EIF2B3: variants seen among roughly 807,000 people sequenced by gnomAD.
The protein encoded by EIF2B3 is translation initiation factor eIF2B subunit gamma.
In EIF2B3, 20 loss-of-function variants were observed where a neutral mutation model predicts 54.1. The observed-to-expected ratio is 0.37, with a 90% CI of 0.26 to 0.54. The LOEUF (loss-of-function observed/expected upper bound fraction) is 0.54, where lower values mean the gene tolerates loss of function less well. Ranked by LOEUF, EIF2B3 falls within the 20% of genes least tolerant of loss-of-function variation. The pLI, the probability that EIF2B3 is intolerant of heterozygous loss-of-function variation, is 0.86. For missense variants in EIF2B3, 448 were observed against 547.8 expected, an observed-to-expected ratio of 0.82 and a Z score of 1.82; for synonymous variants, 153 against 188.1, an observed-to-expected ratio of 0.81 and a Z score of 1.52.
At chr1:44,886,615 G>C (rs1432237258) in intron 6 of EIF2B3, among the ~76,000 whole-genome samples, 1 of 152,186 alleles carries the variant, frequency 6.6e-6, no homozygotes, top group East Asian at 1.9e-4. Flanking sequence ...CCTAACTTAG[G>C]AGTATGTGCC....
intron 4 of EIF2B3, among the ~76,000 whole-genome samples, chr1:44,938,846 C>G (rs1291264491): frequency 6.6e-6 from 1 of 151,462 alleles, no homozygotes; most frequent in African/African-American, 2.4e-5. Context: ...GCCTCTAATC[C>G]CAGCACTTTG....
chr1:44,872,037 T>C (rs553262566), intron 10 of EIF2B3, among the ~76,000 whole-genome samples: 1 of 151,966 alleles, frequency 6.6e-6, no homozygotes, highest in Non-Finnish European at 1.5e-5. Context: ...AATTCTTGTA[T>C]ATGTATGTAT....
intron 11 of EIF2B3, among the ~76,000 whole-genome samples, chr1:44,853,238 A>G (rs1377178735): frequency 1.3e-5 from 2 of 152,090 alleles, no homozygotes; most frequent in Admixed American, 6.6e-5. Flanking sequence ...GCCAGGGAAC[A>G]GAGACTATAT....
At chr1:44,951,274 A>T (rs1205336294) in intron 3 of EIF2B3, among the ~76,000 whole-genome samples, 1 of 152,208 alleles carries the variant, frequency 6.6e-6, no homozygotes, top group Non-Finnish European at 1.5e-5. Flanking sequence ...TTATAGAGAT[A>T]CAGCAATGAA....
At chr1:44,919,430 C>T (rs867118739) in intron 5 of EIF2B3, among the ~76,000 whole-genome samples, 38 of 151,860 alleles carry the variant, frequency 2.5e-4, no homozygotes, top group South Asian at 1.9e-3. Flanking sequence ...TGTGGTTTGC[C>T]TTGGTGTGAA....
At chr1:44,899,954 G>A (rs1643245523) in intron 5 of EIF2B3, among the ~76,000 whole-genome samples, 1 of 152,120 alleles carries the variant, frequency 6.6e-6, no homozygotes, top group Non-Finnish European at 1.5e-5. Context: ...ACAGTGGACT[G>A]GATAAAGAAA....
chr1:44,940,317 A>G (rs899572895), intron 4 of EIF2B3, among the ~76,000 whole-genome samples: 4 of 152,218 alleles, frequency 2.6e-5, no homozygotes. Context: ...AACCTAAAGA[A>G]TACATCATTC....
At chr1:44,951,109 A>ATTTT (rs1314542999) in intron 3 of EIF2B3, among the ~76,000 whole-genome samples, 1 of 151,970 alleles carries the variant, frequency 6.6e-6, no homozygotes, top group Non-Finnish European at 1.5e-5. Context: ...ACGTTCAATT[A>ATTTT]TTTTTTTTCT....
At chr1:44,972,760 C>T (rs1326716832) in intron 3 of EIF2B3, among the ~76,000 whole-genome samples, 12 of 152,272 alleles carry the variant, frequency 7.9e-5, no homozygotes, top group African/African-American at 1.2e-4. Context: ...CTTCACCTCT[C>T]GAGCACAAGC....
chr1:44,915,101 C>T (rs1643594924), intron 5 of EIF2B3, among the ~76,000 whole-genome samples: 1 of 151,614 alleles, frequency 6.6e-6, no homozygotes, highest in Non-Finnish European at 1.5e-5. Flanking sequence ...CAGTTCAAGA[C>T]CAGCCTGGCC....
At position 44,881,598 on chromosome 1, in the gene EIF2B3, AC is replaced by A. The variant is rs938310022; in HGVS notation, c.784+13del. 1.1e-5 allele frequency: 17 copies of A among 1,613,692 alleles called. No homozygotes were observed. Among genetic ancestry groups the A allele is most frequent in the African/African-American group, 2.7e-5 (2 of 74,912 alleles). On this transcript the variant is annotated intron_variant, in intron 7 of 11. Transcript: ENST00000360403. This position sits in a 1 kb window ranked among gnomAD's most constrained non-coding sequence, Gnocchi z 4.0. ...TACCCTTGCCCCTCTTACTGAACCA[AC>A]CCAAGAACTGACCTAAGGACTTCAG...
chr1:44,928,606 T>C (rs1158785413), intron 4 of EIF2B3, among the ~76,000 whole-genome samples: 2 of 150,882 alleles, frequency 1.3e-5, no homozygotes, highest in African/African-American at 4.9e-5. Context: ...TCAACCAACA[T>C]TAACTACAGG....
intron 5 of EIF2B3, among the ~76,000 whole-genome samples, chr1:44,923,541 G>A (rs1270464519): frequency 2.6e-5 from 4 of 152,044 alleles, no homozygotes; most frequent in Non-Finnish European, 2.9e-5. Context: ...GATAACCTTG[G>A]TATGTTTCTT....
At chr1:44,957,593 T>C (rs1312218626) in intron 3 of EIF2B3, among the ~76,000 whole-genome samples, 3 of 151,876 alleles carry the variant, frequency 2.0e-5, no homozygotes, top group African/African-American at 7.3e-5. Context: ...AAACCTGGTC[T>C]CTACTAAAAA....
At chr1:44,902,271 G>A (rs995211269) in intron 5 of EIF2B3, among the ~76,000 whole-genome samples, 3 of 152,080 alleles carry the variant, frequency 2.0e-5, no homozygotes, top group Admixed American at 6.5e-5. Flanking sequence ...TTTCAACATT[G>A]TTCTGGATAT....
intron 5 of EIF2B3, among the ~76,000 whole-genome samples, chr1:44,922,563 G>A (rs1251595536): frequency 7.1e-6 from 1 of 140,310 alleles, no homozygotes; most frequent in Admixed American, 7.6e-5. Context: ...CTCTAGCCTG[G>A]GATATAGAGC....
In EIF2B3 at chr1:44,850,672, C is replaced by A; in HGVS notation, c.*279G>T. On this transcript the variant is annotated 3_prime_UTR_variant, in exon 12 of 12. Transcript: ENST00000360403. ...TTCCTAGGAGCTTTACATTGGACAG[C>A]TGCTGCCCCACCGATACATCTTGGC... 1.9e-6 allele frequency: 1 copy of A among 514,508 alleles called. No homozygotes were observed. The highest frequency in any genetic ancestry group is 3.5e-6 in the Non-Finnish European group (1 of 286,528). 31.9% of individuals were successfully genotyped at this position (514,508 alleles called of 1,614,324 possible).
At chr1:44,973,498 G>A (rs1644422911) in intron 3 of EIF2B3, among the ~76,000 whole-genome samples, 1 of 152,278 alleles carries the variant, frequency 6.6e-6, no homozygotes, top group African/African-American at 2.4e-5. Context: ...AGACGTTCGA[G>A]ACTAGCCTGG....
chr1:44,981,236 C>T, intron 1 of EIF2B3, 59 bp from the exon 2 acceptor site: 2 of 1,565,946 alleles, frequency 1.3e-6, no homozygotes, highest in South Asian at 1.1e-5. Flanking sequence ...AATCAAAGCA[C>T]ACATACTACT....
Sources: gnomAD v4.1 joint callset for allele counts (sites outside exome capture counted in the v4.1 genomes callset) on GRCh38, gnomAD v4.1.1 for gene constraint, Gnocchi (gnomAD v3.1) non-coding constraint, MANE v1.5 for transcripts, NCBI Gene and HGNC (gene_info 2026-07-23, HGNC 2026-07-21) for gene names.